The following FREM2 variants were observed in gnomAD, a reference collection of about 807,000 sequenced individuals.
The protein encoded by FREM2 is FRAS1 related extracellular matrix 2.
In FREM2, 119 loss-of-function variants were observed where a neutral mutation model predicts 219.9. The observed-to-expected ratio is 0.54, with a 90% confidence interval of 0.47 to 0.63. The LOEUF is 0.63. FREM2 is among the 30% of genes least tolerant of loss of function. The pLI is 0.00. For missense variants in FREM2, 4,030 were observed against 3,993.6 expected, an observed-to-expected ratio of 1.01 and a Z score of -0.25; for synonymous variants, 1,562 against 1,522.8, an observed-to-expected ratio of 1.03 and a Z score of -0.60.
chr13:38,799,438 A>G (rs2137848412), intron 6 of FREM2, among the ~76,000 whole-genome samples: 1 of 152,154 alleles, frequency 6.6e-6, no homozygotes, highest in Admixed American at 6.5e-5. Context: ...TATATTCTGC[A>G]GTTGTGGGAT....
In FREM2 at chr13:38,688,709, G is replaced by A; in HGVS notation, c.1365G>A (p.Arg455=). The change falls in exon 1 of 24, where the codon CGG becomes CGA. Residue 455 remains arginine, a synonymous_variant. Transcript: ENST00000280481. ...TGLILYEGQS[R]PLTGPAGSGP... ...TTATTCTCTATGAGGGTCAGTCTCG[G>A]CCCCTCACAGGCCCTGCAGGCAGTG... 6.2e-7 allele frequency: 1 copy of A among 1,614,020 alleles called. No homozygotes were observed. Among genetic ancestry groups the A allele is most frequent in the Non-Finnish European group, 8.5e-7 (1 of 1,179,934 alleles).
chr13:38,848,604 C>T lies in FREM2; in HGVS notation c.6313C>T (p.Pro2105Ser). 6.2e-7 allele frequency: 1 copy of T among 1,613,998 alleles called. No homozygotes were observed. Among genetic ancestry groups the T allele is most frequent in the Non-Finnish European group, 8.5e-7 (1 of 1,179,944 alleles). The change falls in exon 8 of 24, where the codon CCT becomes TCT. Residue 2105 changes from proline (P) to serine (S), a missense_variant. This residue lies in a region of FREM2 where 3,102 missense variants were observed against 2,950.7 expected (regional missense o/e 1.05). Transcript: ENST00000280481. Reference sequence around the variant, plus strand: ...GAAATTTGAACTGGTGCTTCGCATGCCTATGAACGCAGCCCTTGGCGAGCC... The same window carrying T: ...GAAATTTGAACTGGTGCTTCGCATGTCTATGAACGCAGCCCTTGGCGAGCC... ...IEKFELVLRM[P>S]MNAALGEPSK... is the part of the protein sequence containing the mutation.
At chr13:38,798,422 T>C (rs1279950721) in intron 6 of FREM2, among the ~76,000 whole-genome samples, 2 of 152,074 alleles carry the variant, frequency 1.3e-5, no homozygotes, top group Non-Finnish European at 2.9e-5. Context: ...GCCTATAGTT[T>C]TGTTGTTATT....
intron 2 of FREM2, among the ~76,000 whole-genome samples, chr13:38,722,654 C>A (rs151143505): frequency 6.6e-6 from 1 of 151,614 alleles, no homozygotes; most frequent in Non-Finnish European, 1.5e-5. Context: ...AATGACAATG[C>A]TATTTACGTT....
chr13:38,825,259 A>G (rs890082374), intron 6 of FREM2, among the ~76,000 whole-genome samples: 6 of 152,096 alleles, frequency 3.9e-5, no homozygotes, highest in Admixed American at 1.3e-4. Context: ...TATCCCCAGT[A>G]TGGAGCACAG....
In FREM2 at chr13:38,848,591, G is replaced by A; in HGVS notation, c.6300G>A (p.Leu2100=). 1 of 1,614,016 alleles carries A rather than the reference G, an allele frequency of 6.2e-7. No homozygotes were observed. Among genetic ancestry groups the A allele is most frequent in the Non-Finnish European group, 8.5e-7 (1 of 1,179,956 alleles). Residue 2100 remains leucine (L), a synonymous_variant, in exon 8 of 24, where the codon CTG becomes CTA. Coordinates refer to ENST00000280481, the MANE Select transcript of FREM2 (RefSeq NM_207361.6). ...PALEGIEKFE[L]VLRMPMNAAL... is the part of the protein sequence containing the mutation. ...TGGAGGGAATTGAGAAATTTGAACT[G>A]GTGCTTCGCATGCCTATGAACGCAG... is the stretch of plus-strand genomic sequence containing the variant.
chr13:38,786,153 G>A (rs140782333), intron 6 of FREM2, among the ~76,000 whole-genome samples: 1 of 152,078 alleles, frequency 6.6e-6, no homozygotes, highest in Non-Finnish European at 1.5e-5. Context: ...ACCAGAGCTT[G>A]CTCCTCTTAT....
chr13:38,764,204 A>G, intron 2 of FREM2, 100 bp from the exon 3 acceptor site: 2 of 842,398 alleles, frequency 2.4e-6, no homozygotes, highest in Non-Finnish European at 4.1e-6. Flanking sequence ...AAGTAGCTGT[A>G]TTGATTGTTA....
At chr13:38,833,034 G>C (rs958099905) in intron 6 of FREM2, among the ~76,000 whole-genome samples, 3 of 151,844 alleles carry the variant, frequency 2.0e-5, no homozygotes, top group Non-Finnish European at 4.4e-5. Flanking sequence ...ATGAGACTGT[G>C]TCTCGAAAAA....
At chr13:38,818,474 T>C (rs1232795265) in intron 6 of FREM2, among the ~76,000 whole-genome samples, 4 of 151,928 alleles carry the variant, frequency 2.6e-5, no homozygotes, top group African/African-American at 4.8e-5. Context: ...ATGTGGAATC[T>C]ACAAAGGAAA....
chr13:38,836,201 A>G (rs547965300), intron 6 of FREM2, among the ~76,000 whole-genome samples: 1 of 152,284 alleles, frequency 6.6e-6, no homozygotes, highest in African/African-American at 2.4e-5. Context: ...TGAGATAATT[A>G]TGTGGTTTTT....
chr13:38,849,917 A>G lies in FREM2; in HGVS notation c.6380-121A>G, dbSNP rs1048477621. The G allele has an allele frequency of 1.1e-4, 86 of 809,912 alleles. 2 individuals carry two copies. Among genetic ancestry groups the G allele is most frequent in the South Asian group, 8.0e-4 (55 of 68,838 alleles). The allele number at this position is 809,912 out of a possible 1,614,324, so 50.2% of individuals were successfully genotyped here. ...GGTCAAAATATTGGCAAGTGACTGAATGGAGACAGAATCCAGTTCTTCTCA... is the reference window on the plus strand; with the variant it reads ...GGTCAAAATATTGGCAAGTGACTGAGTGGAGACAGAATCCAGTTCTTCTCA... On this transcript the variant is annotated intron_variant, in intron 8 of 23. Coordinates refer to ENST00000280481, the MANE Select transcript of FREM2 (RefSeq NM_207361.6).
At chr13:38,770,591 T>G (rs971558931) in intron 4 of FREM2, among the ~76,000 whole-genome samples, 7 of 152,224 alleles carry the variant, frequency 4.6e-5, no homozygotes, top group African/African-American at 1.7e-4. Context: ...CAAGATTTCT[T>G]TATATATTTA....
At position 38,881,303 on chromosome 13, in the gene FREM2, G is replaced by C. The variant is rs1878540537; in HGVS notation, c.*516G>C. ...ATAGGTGAAGACAGCATAGAATTAT[G>C]ACCAGGGTGGCTCAACCCACAAATC... On this transcript the variant is annotated 3_prime_UTR_variant, in exon 24 of 24. Transcript: ENST00000280481. The C allele has an allele frequency of 5.8e-6, 1 of 170,956 alleles. No individual in the cohort carries two copies. The allele number at this position is 170,956 out of a possible 1,614,324, so 10.6% of individuals were successfully genotyped here. A position where few individuals can be genotyped will look rare whatever the true frequency, so the allele number is the denominator to read the frequency against.
In FREM2 at chr13:38,762,527, C is replaced by A. The variant is rs548545344; in HGVS notation, c.5264-1777C>A. On this transcript the variant is annotated intron_variant, in intron 2 of 23. Transcript: ENST00000280481. ...CGATCTTGGCTCACCACAACCTCTGCTTCCTGGGTACAAGCGATTCTCCTG... is the reference window on the plus strand; with the variant it reads ...CGATCTTGGCTCACCACAACCTCTGATTCCTGGGTACAAGCGATTCTCCTG... Among the ~76,000 whole-genome samples the A allele has an allele frequency of 5.3e-5, 8 of 152,122 alleles. No homozygotes were observed. The South Asian group carries it at 1.7e-3, about 32-fold the overall frequency.
intron 1 of FREM2, among the ~76,000 whole-genome samples, chr13:38,696,636 T>C (rs893224677): frequency 1.3e-5 from 2 of 152,154 alleles, no homozygotes; most frequent in African/African-American, 4.8e-5. Context: ...TTTCTTATTA[T>C]GTTGTATGTG....
chr13:38,760,058 A>C (rs1477560261), intron 2 of FREM2, among the ~76,000 whole-genome samples: 1 of 152,230 alleles, frequency 6.6e-6, no homozygotes, highest in Non-Finnish European at 1.5e-5. Context: ...TCTGATTCAC[A>C]TGTGTAATGT....
At chr13:38,725,539 G>T (rs542236471) in intron 2 of FREM2, among the ~76,000 whole-genome samples, 39 of 152,194 alleles carry the variant, frequency 2.6e-4, no homozygotes, top group Non-Finnish European at 5.4e-4. Flanking sequence ...GAGAAATTGG[G>T]CACCTGTTCT....
intron 2 of FREM2, among the ~76,000 whole-genome samples, chr13:38,718,788 G>C (rs1194514368): frequency 1.3e-5 from 2 of 152,276 alleles, no homozygotes; most frequent in Non-Finnish European, 1.5e-5. Context: ...GTTGGTAGGT[G>C]GGCCAGCAAA....
Sources: allele counts gnomAD v4.1 joint callset (sites outside exome capture counted in the v4.1 genomes callset), GRCh38; gene constraint gnomAD v4.1.1; regional missense constraint gnomAD v4.1.1; transcripts MANE v1.5; gene names NCBI Gene and HGNC (gene_info 2026-07-23, HGNC 2026-07-21).